GPC5: variants seen among roughly 807,000 people sequenced by gnomAD.
The protein encoded by GPC5 is glypican 5.
A neutral mutation model predicts 53.9 loss-of-function variants in GPC5; 47 were observed. The ratio of observed to expected loss-of-function variants is 0.87; its 90% CI spans 0.69 to 1.11. The LOEUF (loss-of-function observed/expected upper bound fraction) is 1.11. Ranked by LOEUF, GPC5 falls within the 50% of genes most tolerant of loss-of-function variation. The pLI, the probability that GPC5 is intolerant of heterozygous loss-of-function variation, is 0.00. For missense variants in GPC5, 748 were observed against 713.1 expected (o/e 1.05, Z -0.56); for synonymous variants, 286 against 263.3 (o/e 1.09, Z -0.84).
Position 92,119,452 on chromosome 13 carries a change from G to A in GPC5, c.1402-25378G>A, listed in dbSNP as rs1566443550. Among the ~76,000 whole-genome samples the A allele has an allele frequency of 2.2e-5, 3 of 135,420 alleles. No homozygotes were observed. In the South Asian group the frequency reaches 7.0e-4, roughly 32 times the overall value. 88.8% of individuals were successfully genotyped at this position (135,420 alleles called of 152,430 possible). ...CTTGCTCTTTCACCCAAGCTGGAGT[G>A]CAGTGGCGCGATCTCGGCTCACTGC... On this transcript the variant is annotated intron_variant, in intron 6 of 7. Coordinates refer to ENST00000377067, the MANE Select transcript of GPC5 (RefSeq NM_004466.6).
At chr13:92,517,644 A>C (rs1157477011) in intron 7 of GPC5, among the ~76,000 whole-genome samples, 8 of 152,204 alleles carry the variant, frequency 5.3e-5, no homozygotes, top group Non-Finnish European at 1.0e-4. Flanking sequence ...GAAAACTAAC[A>C]AACAGAAAGG....
At chr13:91,896,222 C>T (rs2039441023) in intron 5 of GPC5, among the ~76,000 whole-genome samples, 1 of 150,976 alleles carries the variant, frequency 6.6e-6, no homozygotes, top group Admixed American at 6.6e-5. Context: ...CGGGTTCAAG[C>T]AATTCTCCTG....
intron 5 of GPC5, among the ~76,000 whole-genome samples, chr13:91,777,822 C>T (rs1298016977): frequency 6.6e-6 from 1 of 152,064 alleles, no homozygotes; most frequent in Non-Finnish European, 1.5e-5. Flanking sequence ...CTTAAAATCC[C>T]ATTTTCTTCA....
chr13:91,800,300 T>A lies in GPC5; in HGVS notation c.1280+43880T>A, dbSNP rs2038113761. Among the ~76,000 whole-genome samples, 3 of 152,278 alleles carry A rather than the reference T, an allele frequency of 2.0e-5. No individual in the cohort carries two copies. In the South Asian group the frequency reaches 6.2e-4, roughly 32 times the overall value. ...AAAGTTAAAAATATTTGCTTTGGATTAATGAGATATGAGATTAGTTCATTT... is the reference window on the plus strand; with the variant it reads ...AAAGTTAAAAATATTTGCTTTGGATAAATGAGATATGAGATTAGTTCATTT... On this transcript the variant is annotated intron_variant, in intron 5 of 7. Transcript: ENST00000377067.
intron 6 of GPC5, among the ~76,000 whole-genome samples, chr13:91,993,322 GT>G (rs1267962882): frequency 2.6e-5 from 4 of 151,316 alleles, no homozygotes; most frequent in African/African-American, 9.7e-5. Context: ...AATGTGTCAC[GT>G]TATGTTTACC....
intron 1 of GPC5, among the ~76,000 whole-genome samples, chr13:91,423,084 C>A (rs1216942890): frequency 6.6e-6 from 1 of 152,150 alleles, no homozygotes; most frequent in Non-Finnish European, 1.5e-5. Context: ...GAAAAATAAT[C>A]TGGGAACAAG....
chr13:91,520,017 A>G (rs915400352), intron 2 of GPC5, among the ~76,000 whole-genome samples: 5 of 152,146 alleles, frequency 3.3e-5, no homozygotes, highest in Non-Finnish European at 2.9e-5. Flanking sequence ...AGAAATTGCT[A>G]ATGAAGGATA....
At chr13:92,516,539 A>G (rs1594267144) in intron 7 of GPC5, among the ~76,000 whole-genome samples, 1 of 152,330 alleles carries the variant, frequency 6.6e-6, no homozygotes, top group Non-Finnish European at 1.5e-5. Context: ...AAGAAGTATT[A>G]GGACAAGTTA....
At chr13:91,914,578 G>A (rs1007527501) in intron 6 of GPC5, among the ~76,000 whole-genome samples, 11 of 132,716 alleles carry the variant, frequency 8.3e-5, no homozygotes, top group Admixed American at 6.9e-4. Context: ...ACAATGGAGA[G>A]TATTCAGGCA....
At chr13:92,630,588 T>G (rs372065766) in intron 7 of GPC5, among the ~76,000 whole-genome samples, 1 of 152,154 alleles carries the variant, frequency 6.6e-6, no homozygotes, top group Non-Finnish European at 1.5e-5. Context: ...GAACATTTAA[T>G]GTAGATGACG....
At chr13:92,864,607 G>A (rs1243353904) in intron 7 of GPC5, among the ~76,000 whole-genome samples, 1 of 151,828 alleles carries the variant, frequency 6.6e-6, no homozygotes, top group African/African-American at 2.4e-5. Flanking sequence ...ATAGCTTCTT[G>A]TTAAGCTTAA....
chr13:91,753,015 T>A (rs2037212196), intron 4 of GPC5, among the ~76,000 whole-genome samples: 1 of 152,196 alleles, frequency 6.6e-6, no homozygotes, highest in Non-Finnish European at 1.5e-5. Context: ...ATGTTGAGAA[T>A]GAAACCATTA....
intron 7 of GPC5, among the ~76,000 whole-genome samples, chr13:92,604,142 CA>C (rs1884174284): frequency 6.6e-6 from 1 of 152,000 alleles, no homozygotes. Flanking sequence ...GGTATTAACC[CA>C]TTAGTTTTCA....
Position 91,694,562 on chromosome 13 carries a change from A to G in GPC5, c.1020+681A>G, listed in dbSNP as rs372235255. Among the ~76,000 whole-genome samples, 124 of 152,326 alleles carry G rather than the reference A, an allele frequency of 8.1e-4. 3 individuals are homozygous for G. The South Asian group carries it at 0.025, about 31-fold the overall frequency. On this transcript the variant is annotated intron_variant, in intron 3 of 7. Transcript: ENST00000377067. ...AAATCAAAACACATGAGAGTTTTCT[A>G]TTTGTCTCACCTTACATAGAACCAT... is the stretch of plus-strand genomic sequence containing the variant.
chr13:91,908,821 C>G (rs2039581316), intron 6 of GPC5, among the ~76,000 whole-genome samples: 1 of 151,912 alleles, frequency 6.6e-6, no homozygotes, highest in South Asian at 2.1e-4. Context: ...AACATACTTT[C>G]ATTTTTCCTA....
At chr13:91,642,815 G>T (rs1268748604) in intron 2 of GPC5, among the ~76,000 whole-genome samples, 1 of 152,032 alleles carries the variant, frequency 6.6e-6, no homozygotes, top group Non-Finnish European at 1.5e-5. Flanking sequence ...AGCCTGGAGG[G>T]ATGATTGCTA....
At chr13:92,663,197 G>A (rs758715782) in intron 7 of GPC5, among the ~76,000 whole-genome samples, 11 of 152,082 alleles carry the variant, frequency 7.2e-5, no homozygotes, top group African/African-American at 2.4e-4. Context: ...TCTGAAATTC[G>A]GAGAATAATT....
In GPC5 at chr13:92,368,542, G is replaced by A. The variant is rs529175463; in HGVS notation, c.1561+223553G>A. ...ACCTGTAATCCCAGCTACTTAGGAG[G>A]CTGAGGCAGGAGAATCGCTTGAACC... is the stretch of plus-strand genomic sequence containing the variant. On this transcript the variant is annotated intron_variant, in intron 7 of 7. Coordinates refer to ENST00000377067, the MANE Select transcript of GPC5 (RefSeq NM_004466.6). Among the ~76,000 whole-genome samples, 5 of 149,472 alleles carry A rather than the reference G, an allele frequency of 3.3e-5. No homozygotes were observed. The South Asian group carries it at 1.1e-3, about 32-fold the overall frequency.
chr13:92,848,683 A>C (rs981636975), intron 7 of GPC5, among the ~76,000 whole-genome samples: 6 of 152,090 alleles, frequency 3.9e-5, no homozygotes, highest in Admixed American at 3.9e-4. Context: ...CTGGGTGATG[A>C]AAATAAGAAG....
Sources: allele counts gnomAD v4.1 joint callset (sites outside exome capture counted in the v4.1 genomes callset), GRCh38; gene constraint gnomAD v4.1.1; transcripts MANE v1.5; gene names NCBI Gene and HGNC (gene_info 2026-07-23, HGNC 2026-07-21).